The following BCKDHB variants were observed in gnomAD, a reference collection of about 807,000 sequenced individuals.
BCKDHB encodes the protein branched chain keto acid dehydrogenase E1 subunit beta.
Under a neutral mutation model 48.5 loss-of-function variants are expected in BCKDHB, and 41 were observed. The ratio of observed to expected loss-of-function variants is 0.85; its 90% CI spans 0.66 to 1.10. The LOEUF (loss-of-function observed/expected upper bound fraction) is 1.10, where lower values mean the gene tolerates loss of function less well. Among genes scored for constraint, BCKDHB ranks in the 50% least tolerant of loss-of-function variants. The pLI is 0.00. For missense variants in BCKDHB, 496 were observed against 494.2 expected (o/e 1.00, Z -0.03); for synonymous variants, 201 against 174.8 (o/e 1.15, Z -1.18).
chr6:80,376,456 G>A, the BCKDHB span, among the ~76,000 whole-genome samples: 1 of 152,204 alleles, frequency 6.6e-6, no homozygotes, highest in Admixed American at 6.5e-5. Flanking sequence ...AGCAGAGAAA[G>A]CAAGCAGACT....
chr6:80,369,099 CTTA>C, the BCKDHB span, among the ~76,000 whole-genome samples: 1 of 54,390 alleles, frequency 1.8e-5, no homozygotes, highest in East Asian at 6.6e-4. Flanking sequence ...TGGCTACTGT[CTTA>C]TTATTTGTAT....
chr6:80,251,288 C>G (rs2127935359), intron 8 of BCKDHB, among the ~76,000 whole-genome samples: 1 of 152,232 alleles, frequency 6.6e-6, no homozygotes, highest in East Asian at 1.9e-4. Context: ...ACAAATAATG[C>G]TATGATTTTT....
chr6:80,202,284 G>T (rs1181257140), intron 7 of BCKDHB, among the ~76,000 whole-genome samples: 1 of 152,070 alleles, frequency 6.6e-6, no homozygotes, highest in Non-Finnish European at 1.5e-5. Flanking sequence ...CTCCAGGACT[G>T]TAGTCTATTA....
intron 9 of BCKDHB, among the ~76,000 whole-genome samples, chr6:80,275,634 C>A (rs1777937517): frequency 6.6e-6 from 1 of 151,742 alleles, no homozygotes; most frequent in South Asian, 2.1e-4. Flanking sequence ...TGGCTTTTAT[C>A]TACTGATAAA....
intron 9 of BCKDHB, among the ~76,000 whole-genome samples, chr6:80,306,167 A>G (rs929298937): frequency 2.0e-5 from 3 of 152,164 alleles, no homozygotes; most frequent in African/African-American, 7.2e-5. Flanking sequence ...TTTTCATCAA[A>G]ATGCTTTCAT....
At chr6:80,114,486 C>T (rs1230550845) in intron 1 of BCKDHB, among the ~76,000 whole-genome samples, 3 of 151,912 alleles carry the variant, frequency 2.0e-5, no homozygotes, top group Admixed American at 2.0e-4. Flanking sequence ...TGGGCTCAAG[C>T]AGTCCTCTTG....
chr6:80,227,714 G>A (rs558414442), intron 8 of BCKDHB, among the ~76,000 whole-genome samples: 7 of 152,248 alleles, frequency 4.6e-5, no homozygotes, highest in Admixed American at 1.3e-4. Flanking sequence ...TCCTTAAAGG[G>A]AGTCCTGTGT....
chr6:80,358,054 G>GT, the BCKDHB span, among the ~76,000 whole-genome samples: 32 of 152,148 alleles, frequency 2.1e-4, no homozygotes, highest in Non-Finnish European at 1.9e-4. Context: ...AGAAACATTT[G>GT]TTTTTCAAAA....
chr6:80,230,748 A>G (rs776050038), intron 8 of BCKDHB, among the ~76,000 whole-genome samples: 13 of 152,162 alleles, frequency 8.5e-5, no homozygotes, highest in Non-Finnish European at 1.5e-4. Context: ...TTGCTGTGCC[A>G]TGATGAAGGA....
At chr6:80,252,349 A>G (rs1451939048) in intron 8 of BCKDHB, among the ~76,000 whole-genome samples, 2 of 152,222 alleles carry the variant, frequency 1.3e-5, no homozygotes, top group African/African-American at 4.8e-5. Context: ...CGCTCAGATC[A>G]TTCAGATCAT....
chr6:80,167,006 G>A (rs1772608737), intron 3 of BCKDHB, among the ~76,000 whole-genome samples: 1 of 152,108 alleles, frequency 6.6e-6, no homozygotes, highest in South Asian at 2.1e-4. Context: ...ACTATGTGGT[G>A]ATTTTGTCCA....
At chr6:80,315,886 A>G (rs1426865668) in intron 9 of BCKDHB, among the ~76,000 whole-genome samples, 2 of 152,204 alleles carry the variant, frequency 1.3e-5, no homozygotes, top group African/African-American at 4.8e-5. Context: ...TATGTGGCAT[A>G]TAGTAAGCAC....
intron 6 of BCKDHB, among the ~76,000 whole-genome samples, chr6:80,188,358 G>A (rs1291185851): frequency 1.3e-5 from 2 of 152,150 alleles, no homozygotes; most frequent in East Asian, 1.9e-4. Flanking sequence ...CTACCTGAGG[G>A]TGGAGGGTGG....
At chr6:80,407,009 A>T in the BCKDHB span, among the ~76,000 whole-genome samples, 1 of 152,156 alleles carries the variant, frequency 6.6e-6, no homozygotes, top group Non-Finnish European at 1.5e-5. Flanking sequence ...TAAGTCTTTA[A>T]TCCATCTTGA....
chr6:80,188,729 C>G (rs180950819), intron 6 of BCKDHB, among the ~76,000 whole-genome samples: 2 of 152,222 alleles, frequency 1.3e-5, no homozygotes, highest in Admixed American at 1.3e-4. Flanking sequence ...ATTTGTATAC[C>G]AAGCCCCCCT....
At chr6:80,396,099 A>G in the BCKDHB span, among the ~76,000 whole-genome samples, 1 of 152,190 alleles carries the variant, frequency 6.6e-6, no homozygotes, top group Non-Finnish European at 1.5e-5. Context: ...CAGATGGGAA[A>G]TGTGTGGTTG....
At chr6:80,455,874 G>A in the BCKDHB span, among the ~76,000 whole-genome samples, 1 of 152,196 alleles carries the variant, frequency 6.6e-6, no homozygotes. Flanking sequence ...ACGTTGGAGA[G>A]CAGGCATGCT....
At chr6:80,211,698 C>CT (rs1774940783) in intron 8 of BCKDHB, among the ~76,000 whole-genome samples, 1 of 152,168 alleles carries the variant, frequency 6.6e-6, no homozygotes, top group Non-Finnish European at 1.5e-5. Context: ...TTCATTCACT[C>CT]TGTTATTCTA....
chr6:80,262,991 G>A (rs1777367318), intron 8 of BCKDHB, among the ~76,000 whole-genome samples: 1 of 151,968 alleles, frequency 6.6e-6, no homozygotes, highest in Non-Finnish European at 1.5e-5. Flanking sequence ...TGCATTATGA[G>A]GAAAGAAAAT....
Sources: gnomAD v4.1 joint callset for allele counts (sites outside exome capture counted in the v4.1 genomes callset) on GRCh38, gnomAD v4.1.1 for gene constraint, MANE v1.5 for transcripts, NCBI Gene and HGNC (gene_info 2026-07-23, HGNC 2026-07-21) for gene names.